Variants in EPS8L1 observed in about 807,000 individuals in gnomAD.
EPS8L1 encodes epidermal growth factor receptor kinase substrate 8-like protein 1.
In EPS8L1, 101 loss-of-function variants were observed where a neutral mutation model predicts 91.7. The observed-to-expected ratio is 1.10, with a 90% CI of 0.94 to 1.30. The LOEUF is 1.30. Ranked by LOEUF, EPS8L1 falls within the 50% of genes most tolerant of loss-of-function variation. The probability of loss-of-function intolerance (pLI) is 0.00; values close to 1 mark genes in which losing one functional copy is unlikely to be tolerated. For synonymous variants in EPS8L1, 506 were observed against 445.3 expected, an observed-to-expected ratio of 1.14 and a Z score of -1.72; for missense variants, 1,114 against 1,017.0, an observed-to-expected ratio of 1.10 and a Z score of -1.30.
rs113016082 is a variant in EPS8L1 at position 55,087,400 on chromosome 19, T to C, written c.2050T>C (p.Tyr684His). Residue 684 changes from tyrosine to histidine, a missense_variant, in exon 19 of 20, where the codon TAC becomes CAC. By Grantham distance (83) the Tyr-to-His change is moderately conservative (BLOSUM62 2). Coordinates refer to ENST00000201647, the MANE Select transcript of EPS8L1 (RefSeq NM_133180.3). The part of the protein sequence containing the change: ...AVSPEEGARV[Y>H]SQVTVQRSLL... ...GAGCCCCGAGGAGGGGGCACGTGTGTACAGCCAGGTCACCGTGCAGCGCTC... is the reference window on the plus strand; with the variant it reads ...GAGCCCCGAGGAGGGGGCACGTGTGCACAGCCAGGTCACCGTGCAGCGCTC... The C allele has an allele frequency of 2.4e-5, 38 of 1,613,980 alleles. No individual in the cohort carries two copies. In the African/African-American group the frequency reaches 2.9e-4, roughly 12 times the overall value.
intron 6 of EPS8L1, 197 bp downstream of exon 6, chr19:55,080,475 A>T (rs1233240969): frequency 3.7e-6 from 6 of 1,613,554 alleles, no homozygotes; most frequent in Non-Finnish European, 5.1e-6. Flanking sequence ...AAGATAGAAC[A>T]TGAAGGTGGG....
intron 1 of EPS8L1, 72 bp from the exon 2 acceptor site, chr19:55,076,336 T>C (rs893763625): frequency 3.1e-5 from 43 of 1,387,188 alleles, no homozygotes; most frequent in Middle Eastern, 1.8e-4. Flanking sequence ...GATGCCTGCA[T>C]TGAGGGAGGA....
Position 55,086,735 on chromosome 19 carries a change from T to TCGTCAA in EPS8L1, c.1802_1807dup (p.Val601_Asn602dup), listed in dbSNP as rs1215620873. 1 of 1,583,432 alleles carries TCGTCAA rather than the reference T, an allele frequency of 6.3e-7. No homozygotes were observed. Among genetic ancestry groups the TCGTCAA allele is most frequent in the Non-Finnish European group, 8.6e-7 (1 of 1,161,730 alleles). On this transcript the variant is annotated inframe_insertion, in exon 18 of 20. Coordinates refer to ENST00000201647, the MANE Select transcript of EPS8L1 (RefSeq NM_133180.3). ...GCAGAGAAATTCTCCCAGATGCTCA[T>TCGTCAA]CGTCAACGAGGAACTGCAGGCGCGC...
At chr19:55,082,057 GC>G in intron 9 of EPS8L1, 34 bp from the exon 10 acceptor site, 4 of 1,560,102 alleles carry the variant, frequency 2.6e-6, no homozygotes, top group Middle Eastern at 1.7e-4. Flanking sequence ...TGCTGGCCCC[GC>G]GTCCCCATCG....
At chr19:55,079,967 C>A in intron 5 of EPS8L1, 116 bp downstream of exon 5, 2 of 1,447,576 alleles carry the variant, frequency 1.4e-6, no homozygotes, top group South Asian at 2.8e-5. Flanking sequence ...GGGACCCCAG[C>A]CCCCTTCTTG....
intron 18 of EPS8L1, 78 bp from the exon 19 acceptor site, chr19:55,087,225 C>G: frequency 6.6e-7 from 1 of 1,517,498 alleles, no homozygotes. Flanking sequence ...TGGACCATCG[C>G]CGGGTGGGCG....
chr19:55,081,500 G>T lies in EPS8L1; in HGVS notation c.774+8G>T. On this transcript the variant is annotated splice_region_variant and intron_variant, in intron 8 of 19. Transcript: ENST00000201647. The surrounding 1 kb of genome is among the most constrained non-coding windows in gnomAD (Gnocchi z 4.9). The stretch of plus-strand genomic sequence containing the variant: ...CAGGCGGAGCGGGAAGTGGTGAGCC[G>T]CTAAGGAAGGGGTCTGGGGGCAGGG... 3 of 1,569,666 alleles carry T rather than the reference G, an allele frequency of 1.9e-6. No homozygotes were observed. Among genetic ancestry groups the T allele is most frequent in the Non-Finnish European group, 2.6e-6 (3 of 1,158,358 alleles).
In EPS8L1 at chr19:55,083,815, G is replaced by C; in HGVS notation, c.1385+171G>C. 1.7e-6 allele frequency: 1 copy of C among 580,128 alleles called. No homozygotes were observed. Among genetic ancestry groups the C allele is most frequent in the Non-Finnish European group, 3.1e-6 (1 of 320,660 alleles). 35.9% of individuals were successfully genotyped at this position (580,128 alleles called of 1,614,324 possible). On this transcript the variant is annotated intron_variant, in intron 14 of 19. Transcript: ENST00000201647. This position sits in a 1 kb window ranked among gnomAD's most constrained non-coding sequence, Gnocchi z 4.7. ...GGCCGGGGCTGGGAGAGAGGGAGGA[G>C]CAGGGTGGGAGGGGGCGGGACCCAG... is the stretch of plus-strand genomic sequence containing the variant.
chr19:55,078,288 G>T lies in EPS8L1; in HGVS notation c.58+160G>T, dbSNP rs74182549. Among the ~76,000 whole-genome samples, 211 of 80,750 alleles carry T rather than the reference G, an allele frequency of 2.6e-3. No individual in the cohort carries two copies. The highest frequency in any genetic ancestry group is 7.0e-3 in the Admixed American group (46 of 6,560). 53.0% of individuals were successfully genotyped at this position (80,750 alleles called of 152,430 possible). ...GGACTCCTGGGTCAGAGGGAAGAGG[G>T]GCTGGGGGGCTGGACTCCTAGGTTT... On this transcript the variant is annotated intron_variant, in intron 3 of 19. Transcript: ENST00000201647.
chr19:55,086,949 C>G, intron 18 of EPS8L1, 61 bp downstream of exon 18: 2 of 1,399,666 alleles, frequency 1.4e-6, no homozygotes, highest in Non-Finnish European at 1.8e-6. Context: ...CGGAGCGTTC[C>G]GATCGGCCGG....
At position 55,081,072 on chromosome 19, in the gene EPS8L1, G is replaced by T; in HGVS notation, c.513-159G>T. ...CAGGCCCTCAGTTTCACTCTAGAGA[G>T]GTGCTATCCCTCCGTATATCGGATT... On this transcript the variant is annotated intron_variant, in intron 7 of 19. Transcript: ENST00000201647. The surrounding 1 kb of genome is among the most constrained non-coding windows in gnomAD (Gnocchi z 4.9). 1.0e-6 allele frequency: 1 copy of T among 1,000,032 alleles called. No individual in the cohort carries two copies. 61.9% of individuals were successfully genotyped at this position (1,000,032 alleles called of 1,614,324 possible).
rs774381920 is a variant in EPS8L1, at chr19:55,079,858, G to A, written c.279+7G>A. 9 of 1,606,616 alleles carry A rather than the reference G, an allele frequency of 5.6e-6. No homozygotes were observed. The highest frequency in any genetic ancestry group is 1.3e-5 in the African/African-American group (1 of 74,774). Reference sequence around the variant, plus strand: ...GCTCGACCCGGCCTCCAAGGTGCCGGGGGGCACGTGGGTGGGAGGAGTGTC... The same window carrying A: ...GCTCGACCCGGCCTCCAAGGTGCCGAGGGGCACGTGGGTGGGAGGAGTGTC... On this transcript the variant is annotated splice_region_variant and intron_variant, in intron 5 of 19. Transcript: ENST00000201647.
Position 55,086,731 on chromosome 19 carries a change from C to G in EPS8L1, c.1795C>G (p.Leu599Val). ...PSEKEKFSQM[L>V]IVNEELQARL... ...GCCTGCAGAGAAATTCTCCCAGATG[C>G]TCATCGTCAACGAGGAACTGCAGGC... The change falls in exon 18 of 20, where the codon CTC (leucine) becomes GTC (valine). Residue 599 changes from leucine to valine, a missense_variant. Coordinates refer to ENST00000201647, the MANE Select transcript of EPS8L1 (RefSeq NM_133180.3). 1 of 1,598,556 alleles carries G rather than the reference C, an allele frequency of 6.3e-7. No individual in the cohort carries two copies.
Position 55,086,728 on chromosome 19 carries a change from A to G in EPS8L1, c.1792A>G (p.Met598Val), listed in dbSNP as rs759333263. The G allele has an allele frequency of 2.5e-6, 4 of 1,596,640 alleles. No homozygotes were observed. The highest frequency in any genetic ancestry group is 3.4e-6 in the Non-Finnish European group (4 of 1,170,650). ...DPSEKEKFSQ[M>V]LIVNEELQAR... ...CCCGCCTGCAGAGAAATTCTCCCAG[A>G]TGCTCATCGTCAACGAGGAACTGCA... The change falls in exon 18 of 20, where the codon ATG (methionine) becomes GTG (valine). Residue 598 changes from methionine (M) to valine (V), a missense_variant. Physicochemically the swap from Met to Val is conservative, Grantham distance 21. Transcript: ENST00000201647.
At position 55,079,851 on chromosome 19, in the gene EPS8L1, G is replaced by T. The variant is rs1411647169; in HGVS notation, c.279G>T (p.Lys93Asn). 1 of 1,610,210 alleles carries T rather than the reference G, an allele frequency of 6.2e-7. No individual in the cohort carries two copies. Among genetic ancestry groups the T allele is most frequent in the Admixed American group, 1.7e-5 (1 of 59,626 alleles). The change falls in exon 5 of 20, where the codon AAG becomes AAT. Residue 93 changes from lysine to asparagine, a missense_variant and splice_region_variant. Lys to Asn is a moderately conservative substitution (Grantham distance 94). Transcript: ENST00000201647. ...TCACGCTGCTCGACCCGGCCTCCAAGGTGCCGGGGGGCACGTGGGTGGGAG... is the reference window on the plus strand; with the variant it reads ...TCACGCTGCTCGACCCGGCCTCCAATGTGCCGGGGGGCACGTGGGTGGGAG... ...DHVTLLDPAS[K>N]EELESYPLGA...
chr19:55,078,943 G>A, intron 3 of EPS8L1, 56 bp from the exon 4 acceptor site: 1 of 1,587,378 alleles, frequency 6.3e-7, no homozygotes, highest in East Asian at 2.2e-5. Flanking sequence ...TCCTGGGTCT[G>A]ATGGAGGAGG....
rs184550586 is a variant in EPS8L1 at position 55,078,796 on chromosome 19, A to G, written c.59-203A>G. On this transcript the variant is annotated intron_variant, in intron 3 of 19. Coordinates refer to ENST00000201647, the MANE Select transcript of EPS8L1 (RefSeq NM_133180.3). ...CTGGGGGGCTGGACTCCTGGGTCAGAGGGAAGAGGGGCTGGGGGCCTGGAC... is the reference window on the plus strand; with the variant it reads ...CTGGGGGGCTGGACTCCTGGGTCAGGGGGAAGAGGGGCTGGGGGCCTGGAC... Among the ~76,000 whole-genome samples the G allele has an allele frequency of 7.6e-3, 176 of 23,250 alleles. 51 individuals are homozygous for G. The highest frequency in any genetic ancestry group is 0.043 in the African/African-American group (166 of 3,864). 15.3% of individuals were successfully genotyped at this position (23,250 alleles called of 152,430 possible).
chr19:55,081,326 T>C lies in EPS8L1; in HGVS notation c.608T>C (p.Val203Ala), dbSNP rs1376980618. The C allele has an allele frequency of 8.4e-6, 13 of 1,556,744 alleles. No individual in the cohort carries two copies. Among genetic ancestry groups the C allele is most frequent in the East Asian group, 2.3e-5 (1 of 42,608 alleles). The part of the protein sequence containing the change: ...RPSVRAVIST[V>A]ERGAGRGRPQ... The stretch of plus-strand genomic sequence containing the variant: ...TCAGTCCGCGCAGTGATCAGCACCG[T>C]AGAGCGGGGCGCGGGCCGCGGACGA... Residue 203 changes from valine to alanine, a missense_variant, in exon 8 of 20, where the codon GTA becomes GCA. Physicochemically the swap from Val to Ala is moderately conservative, Grantham distance 64. Coordinates refer to ENST00000201647, the MANE Select transcript of EPS8L1 (RefSeq NM_133180.3). This position sits in a 1 kb window ranked among gnomAD's most constrained non-coding sequence, Gnocchi z 4.9.
At chr19:55,076,156 T>C (rs114567136) in intron 1 of EPS8L1, among the ~76,000 whole-genome samples, 1,401 of 42,180 alleles carry the variant, frequency 0.033, 28 homozygotes, top group African/African-American at 0.13. Context: ...CTCCTGGGTC[T>C]GAGGGAGGAG....
Sources: allele counts gnomAD v4.1 joint callset (sites outside exome capture counted in the v4.1 genomes callset), GRCh38; gene constraint gnomAD v4.1.1; non-coding constraint Gnocchi (gnomAD v3.1); transcripts MANE v1.5; gene names NCBI Gene and HGNC (gene_info 2026-07-23, HGNC 2026-07-21).